Variants in IFT43 observed in about 807,000 individuals in gnomAD.
The protein encoded by IFT43 is intraflagellar transport 43, also known as intraflagellar transport protein 43 homolog.
In IFT43, 33 loss-of-function variants were observed where a neutral mutation model predicts 32.3. The observed-to-expected ratio is 1.02, with a 90% confidence interval of 0.77 to 1.37. IFT43 has a LOEUF of 1.37. Ranked by LOEUF, IFT43 falls within the 40% of genes most tolerant of loss-of-function variation. The probability of loss-of-function intolerance (pLI) is 0.00; values close to 1 mark genes in which losing one functional copy is unlikely to be tolerated. For synonymous variants in IFT43, 93 were observed against 98.2 expected, an observed-to-expected ratio of 0.95 and a Z score of 0.31; for missense variants, 274 against 265.9, an observed-to-expected ratio of 1.03 and a Z score of -0.21.
At chr14:76,020,040 T>C (rs1289141342) in intron 2 of IFT43, among the ~76,000 whole-genome samples, 3 of 152,132 alleles carry the variant, frequency 2.0e-5, no homozygotes, top group Non-Finnish European at 4.4e-5. Flanking sequence ...AGTGGCGCAA[T>C]CTCAGCTCAC....
chr14:76,071,840 C>G (rs150002068), intron 5 of IFT43, among the ~76,000 whole-genome samples: 7 of 151,914 alleles, frequency 4.6e-5, no homozygotes, highest in African/African-American at 9.7e-5. Context: ...GGGGCTGGTG[C>G]GAGCTGCTCC....
intron 3 of IFT43, among the ~76,000 whole-genome samples, chr14:76,023,015 C>CT (rs1439155712): frequency 2.0e-5 from 3 of 152,350 alleles, no homozygotes; most frequent in African/African-American, 7.2e-5. Flanking sequence ...CCATAACCAT[C>CT]TGACATTATC....
At chr14:76,010,083 C>T (rs1375988590) in intron 2 of IFT43, among the ~76,000 whole-genome samples, 1 of 152,188 alleles carries the variant, frequency 6.6e-6, no homozygotes, top group Non-Finnish European at 1.5e-5. Context: ...CGTGAGCCAC[C>T]CTGCCCGGCC....
chr14:76,048,889 C>T (rs1400142804), intron 3 of IFT43, among the ~76,000 whole-genome samples: 5 of 152,162 alleles, frequency 3.3e-5, no homozygotes, highest in Non-Finnish European at 5.9e-5. Context: ...GCTCGCATGC[C>T]AGCAACCAGA....
At chr14:75,990,897 A>C (rs2035625066) in intron 2 of IFT43, among the ~76,000 whole-genome samples, 1 of 152,226 alleles carries the variant, frequency 6.6e-6, no homozygotes, top group Non-Finnish European at 1.5e-5. Flanking sequence ...TTTACTCAAC[A>C]ACTATTTATT....
intron 2 of IFT43, among the ~76,000 whole-genome samples, chr14:75,999,075 C>G (rs1471112377): frequency 6.9e-6 from 1 of 145,418 alleles, no homozygotes; most frequent in Non-Finnish European, 1.5e-5. Flanking sequence ...ATTGAGCTTC[C>G]TCTGTTTTAT....
intron 2 of IFT43, among the ~76,000 whole-genome samples, chr14:76,015,229 T>C (rs2036163630): frequency 6.6e-6 from 1 of 152,162 alleles, no homozygotes; most frequent in South Asian, 2.1e-4. Flanking sequence ...TACAAAAATA[T>C]TGCTAATCCT....
At chr14:76,077,998 T>A (rs1187700636) in intron 5 of IFT43, among the ~76,000 whole-genome samples, 1 of 152,194 alleles carries the variant, frequency 6.6e-6, no homozygotes, top group Non-Finnish European at 1.5e-5. Flanking sequence ...ATTAAATGCA[T>A]TGTGGAGCAG....
intron 3 of IFT43, among the ~76,000 whole-genome samples, chr14:76,053,318 G>A (rs968141365): frequency 6.6e-6 from 1 of 152,142 alleles, no homozygotes; most frequent in Non-Finnish European, 1.5e-5. Context: ...TGAGACCTGG[G>A]ACTGGGCTTT....
At chr14:76,010,260 T>C (rs2036057890) in intron 2 of IFT43, among the ~76,000 whole-genome samples, 1 of 152,216 alleles carries the variant, frequency 6.6e-6, no homozygotes, top group African/African-American at 2.4e-5. Flanking sequence ...GTTTTGGGTG[T>C]AGAGTAGTTT....
At chr14:76,048,172 A>G (rs958989898) in intron 3 of IFT43, among the ~76,000 whole-genome samples, 4 of 152,240 alleles carry the variant, frequency 2.6e-5, no homozygotes, top group African/African-American at 9.6e-5. Context: ...TCTCAAGTTC[A>G]CAAAAAGGCC....
intron 2 of IFT43, among the ~76,000 whole-genome samples, chr14:75,994,658 A>G (rs753805755): frequency 5.3e-5 from 8 of 152,236 alleles, no homozygotes; most frequent in Non-Finnish European, 7.3e-5. Context: ...TTGGATCACT[A>G]GAAGCATGGT....
intron 3 of IFT43, among the ~76,000 whole-genome samples, chr14:76,026,342 TGAGGTCGGGAGTTTGAGA>T (rs1486472209): frequency 6.6e-6 from 1 of 152,132 alleles, no homozygotes; most frequent in Non-Finnish European, 1.5e-5. Context: ...GTGAATCACC[TGAGGTCGGGAGTTTGAGA>T]CCAGCCTGAC....
At chr14:76,023,620 C>T (rs2036336302) in intron 3 of IFT43, among the ~76,000 whole-genome samples, 1 of 152,116 alleles carries the variant, frequency 6.6e-6, no homozygotes, top group South Asian at 2.1e-4. Flanking sequence ...TTTCTTATCC[C>T]CATTCTGTCC....
chr14:76,065,345 A>C (rs1359514887), intron 5 of IFT43, among the ~76,000 whole-genome samples: 1 of 152,200 alleles, frequency 6.6e-6, no homozygotes, highest in Non-Finnish European at 1.5e-5. Context: ...TGAAAAATCA[A>C]CTTTACTAAG....
At chr14:76,040,434 A>G (rs1186196191) in intron 3 of IFT43, among the ~76,000 whole-genome samples, 1 of 152,232 alleles carries the variant, frequency 6.6e-6, no homozygotes, top group African/African-American at 2.4e-5. Context: ...TATGGTACAC[A>G]TAGATCCCAT....
chr14:76,081,324 C>T (rs969340931), intron 5 of IFT43, among the ~76,000 whole-genome samples: 2 of 152,244 alleles, frequency 1.3e-5, no homozygotes, highest in African/African-American at 4.8e-5. Context: ...CTCCTTCTTT[C>T]CGTGTTTACA....
intron 3 of IFT43, among the ~76,000 whole-genome samples, chr14:76,041,889 C>T (rs764954162): frequency 6.6e-6 from 1 of 152,120 alleles, no homozygotes; most frequent in Non-Finnish European, 1.5e-5. Flanking sequence ...ATGATAATCC[C>T]GTGGTACAGA....
At chr14:76,005,119 C>G (rs1302763482) in intron 2 of IFT43, among the ~76,000 whole-genome samples, 1 of 152,200 alleles carries the variant, frequency 6.6e-6, no homozygotes, top group Non-Finnish European at 1.5e-5. Context: ...CACATTTTCA[C>G]ACTTCTTCAT....
Sources: allele counts gnomAD v4.1 joint callset (sites outside exome capture counted in the v4.1 genomes callset), GRCh38; gene constraint gnomAD v4.1.1; transcripts MANE v1.5; gene names NCBI Gene and HGNC (gene_info 2026-07-23, HGNC 2026-07-21).